The following AGBL1 variants were observed in gnomAD, a reference collection of about 807,000 sequenced individuals.
The protein encoded by AGBL1 is cytosolic carboxypeptidase 4.
In AGBL1, 130 loss-of-function variants were observed where a neutral mutation model predicts 118.9. The observed-to-expected ratio is 1.09, with a 90% CI of 0.95 to 1.26. The LOEUF (loss-of-function observed/expected upper bound fraction) is 1.26, where lower values mean the gene tolerates loss of function less well. Ranked by LOEUF, AGBL1 falls within the 50% of genes most tolerant of loss-of-function variation. The pLI, the probability that AGBL1 is intolerant of heterozygous loss-of-function variation, is 0.00. For synonymous variants in AGBL1, 555 were observed against 478.9 expected (o/e 1.16, Z -2.08); for missense variants, 1,584 against 1,298.1 (o/e 1.22, Z -3.38).
intron 21 of AGBL1, among the ~76,000 whole-genome samples, chr15:86,622,452 A>T (rs761145005): frequency 2.0e-5 from 3 of 152,210 alleles, no homozygotes; most frequent in Non-Finnish European, 4.4e-5. Flanking sequence ...GAGACCAGTG[A>T]CCAGTCATCA....
At chr15:86,485,617 G>A (rs535720415) in intron 18 of AGBL1, among the ~76,000 whole-genome samples, 19 of 151,976 alleles carry the variant, frequency 1.3e-4, no homozygotes, top group Non-Finnish European at 2.1e-4. Context: ...TTCATATGAC[G>A]CAAAATATAC....
chr15:86,555,843 A>G (rs2083726211), intron 21 of AGBL1, among the ~76,000 whole-genome samples: 1 of 152,206 alleles, frequency 6.6e-6, no homozygotes, highest in African/African-American at 2.4e-5. Context: ...ATATGTGAAT[A>G]TACTTGGAGG....
chr15:86,822,826 G>A (rs1014507601), intron 22 of AGBL1, among the ~76,000 whole-genome samples: 2 of 151,426 alleles, frequency 1.3e-5, no homozygotes, highest in African/African-American at 2.4e-5. Flanking sequence ...AGATGTGGAG[G>A]ATAAATACTG....
At chr15:86,477,259 CAA>C (rs141790867) in intron 18 of AGBL1, among the ~76,000 whole-genome samples, 2 of 151,682 alleles carry the variant, frequency 1.3e-5, no homozygotes, top group African/African-American at 2.4e-5. Flanking sequence ...GATAGAGACA[CAA>C]AAAAACCCTT....
intron 22 of AGBL1, among the ~76,000 whole-genome samples, chr15:86,757,287 A>C (rs927791923): frequency 1.3e-5 from 2 of 152,066 alleles, no homozygotes; most frequent in Non-Finnish European, 2.9e-5. Context: ...AGGTTTCTCT[A>C]CATTCTCTCA....
chr15:86,814,217 C>G (rs1412483407), intron 22 of AGBL1, among the ~76,000 whole-genome samples: 1 of 152,172 alleles, frequency 6.6e-6, no homozygotes, highest in East Asian at 1.9e-4. Flanking sequence ...GAGCACGAGA[C>G]CTGTTGTGAA....
intron 5 of AGBL1, among the ~76,000 whole-genome samples, chr15:86,211,314 A>G (rs1159898366): frequency 6.6e-6 from 1 of 152,218 alleles, no homozygotes; most frequent in Non-Finnish European, 1.5e-5. Flanking sequence ...TTGAGGAGGC[A>G]GTTTGTCCAT....
intron 21 of AGBL1, among the ~76,000 whole-genome samples, chr15:86,664,717 G>A (rs188410347): frequency 6.6e-6 from 1 of 152,180 alleles, no homozygotes; most frequent in East Asian, 1.9e-4. Context: ...TAAGAAACTA[G>A]ATAGGCCTAA....
intron 18 of AGBL1, among the ~76,000 whole-genome samples, chr15:86,458,068 TA>T (rs1241385564): frequency 1.3e-4 from 20 of 151,182 alleles, no homozygotes; most frequent in Admixed American, 8.6e-4. Context: ...ACTGTCCCCG[TA>T]TATTGCCACT....
intron 21 of AGBL1, among the ~76,000 whole-genome samples, chr15:86,671,291 A>G (rs1045673409): frequency 6.6e-6 from 1 of 152,026 alleles, no homozygotes; most frequent in Non-Finnish European, 1.5e-5. Flanking sequence ...AACAAACAGG[A>G]GAATGGCAGA....
intron 24 of AGBL1, among the ~76,000 whole-genome samples, chr15:86,996,494 T>C (rs1485920477): frequency 6.6e-6 from 1 of 152,156 alleles, no homozygotes; most frequent in Non-Finnish European, 1.5e-5. Flanking sequence ...ATGCTTTATT[T>C]GTTCTCATGA....
At chr15:86,667,357 A>T (rs2085665651) in intron 21 of AGBL1, among the ~76,000 whole-genome samples, 1 of 152,046 alleles carries the variant, frequency 6.6e-6, no homozygotes, top group Non-Finnish European at 1.5e-5. Flanking sequence ...TGTTAATATT[A>T]TAAAATAAAT....
chr15:86,800,015 G>A (rs189826593), intron 22 of AGBL1, among the ~76,000 whole-genome samples: 73 of 152,178 alleles, frequency 4.8e-4, no homozygotes, highest in African/African-American at 1.6e-3. Flanking sequence ...CCTTTTGAGA[G>A]CGTCAAGTGG....
chr15:86,494,226 T>A (rs1243411095), intron 18 of AGBL1, among the ~76,000 whole-genome samples: 1 of 152,124 alleles, frequency 6.6e-6, no homozygotes, highest in Non-Finnish European at 1.5e-5. Context: ...ATATGAGGCA[T>A]GGTTGATGTG....
At chr15:86,294,121 G>A (rs1052854324) in intron 16 of AGBL1, among the ~76,000 whole-genome samples, 1 of 152,070 alleles carries the variant, frequency 6.6e-6, no homozygotes, top group African/African-American at 2.4e-5. Flanking sequence ...CCAGGGGCGG[G>A]ATGTGGTGGC....
At chr15:86,452,733 T>A (rs2082211518) in intron 18 of AGBL1, among the ~76,000 whole-genome samples, 2 of 152,184 alleles carry the variant, frequency 1.3e-5, no homozygotes, top group Admixed American at 1.3e-4. Context: ...GTGATCCTGC[T>A]GCCCTTCTGC....
chr15:86,131,001 C>T (rs971852913), intron 1 of AGBL1, among the ~76,000 whole-genome samples: 54 of 152,270 alleles, frequency 3.5e-4, no homozygotes, highest in African/African-American at 1.3e-3. Flanking sequence ...CAATTGATCC[C>T]AGTTCAGCTG....
At position 86,542,356 on chromosome 15, in the gene AGBL1, A is replaced by ATT. The variant is rs71144054; in HGVS notation, c.2686-3620_2686-3619dup. Among the ~76,000 whole-genome samples, 44 of 116,342 alleles carry ATT rather than the reference A, an allele frequency of 3.8e-4. 1 individual carries two copies. Among genetic ancestry groups the ATT allele is most frequent in the African/African-American group, 1.1e-3 (31 of 28,332 alleles). 76.3% of individuals were successfully genotyped at this position (116,342 alleles called of 152,430 possible). ...GTTTGTAGGGGATGCCACCATTGAGATTTTTTTTTTTTTTTTTTTTTTTTT... is the reference window on the plus strand; with the variant it reads ...GTTTGTAGGGGATGCCACCATTGAGATTTTTTTTTTTTTTTTTTTTTTTTTTT... On this transcript the variant is annotated intron_variant, in intron 19 of 22. Coordinates refer to ENST00000614907, the MANE Select transcript of AGBL1 (RefSeq NM_001386094.1).
intron 9 of AGBL1, 81 bp from the exon 10 acceptor site, chr15:86,262,697 G>A (rs2079012094): frequency 1.1e-6 from 1 of 938,280 alleles, no homozygotes; most frequent in Non-Finnish European, 1.7e-6. Flanking sequence ...AGATTCTGAA[G>A]AAGCACATAC....
Sources: allele counts gnomAD v4.1 joint callset (sites outside exome capture counted in the v4.1 genomes callset), GRCh38; gene constraint gnomAD v4.1.1; transcripts MANE v1.5; gene names NCBI Gene and HGNC (gene_info 2026-07-23, HGNC 2026-07-21).